RALYL: variants seen among roughly 807,000 people sequenced by gnomAD.
The protein encoded by RALYL is RALY RNA binding protein like.
A neutral mutation model predicts 35.1 loss-of-function variants in RALYL; 29 were observed. That is an observed-to-expected ratio of 0.83 (90% confidence interval 0.61 to 1.13). The LOEUF is 1.13. RALYL is among the 50% of genes most tolerant of loss of function. The probability of loss-of-function intolerance (pLI) is 0.00; values close to 1 mark genes in which losing one functional copy is unlikely to be tolerated. For synonymous variants in RALYL, 120 were observed against 127.6 expected, an observed-to-expected ratio of 0.94 and a Z score of 0.40; for missense variants, 359 against 360.4, an observed-to-expected ratio of 1.00 and a Z score of 0.03.
chr8:84,413,636 T>C (rs945633299), intron 1 of RALYL, among the ~76,000 whole-genome samples: 12 of 152,064 alleles, frequency 7.9e-5, no homozygotes, highest in Non-Finnish European at 1.5e-4. Context: ...TCAAAATTAA[T>C]TTTCAATTAG....
In RALYL at chr8:84,870,997, G is replaced by GC. The variant is rs199824470; in HGVS notation, c.572-2280dup. On this transcript the variant is annotated intron_variant, in intron 6 of 8. Transcript: ENST00000521268. The stretch of plus-strand genomic sequence containing the variant: ...TGCAGGACCTAGATGAGCATTTGCT[G>GC]CCCCCCCATTCTAAGAGGGAACTGA... Among the ~76,000 whole-genome samples, 1,403 of 152,130 alleles carry GC rather than the reference G, an allele frequency of 9.2e-3. 11 individuals carry two copies. Among genetic ancestry groups the GC allele is most frequent in the Non-Finnish European group, 0.013 (882 of 67,982 alleles).
intron 1 of RALYL, among the ~76,000 whole-genome samples, chr8:84,463,789 A>G (rs987417463): frequency 5.3e-5 from 8 of 152,044 alleles, no homozygotes; most frequent in African/African-American, 1.9e-4. Context: ...TTAAAAAATC[A>G]CCCTTTTTAG....
intron 1 of RALYL, among the ~76,000 whole-genome samples, chr8:84,259,872 C>A (rs1405629112): frequency 6.6e-6 from 1 of 152,114 alleles, no homozygotes; most frequent in Non-Finnish European, 1.5e-5. Flanking sequence ...ACACACACTG[C>A]GTTCCCTTTC....
chr8:84,473,583 TA>T (rs1392178039), intron 1 of RALYL, among the ~76,000 whole-genome samples: 7 of 151,806 alleles, frequency 4.6e-5, no homozygotes, highest in African/African-American at 1.4e-4. Context: ...GCTTTTTCTT[TA>T]AAAAAATAGT....
At chr8:84,450,867 CA>C (rs1312503980) in intron 1 of RALYL, among the ~76,000 whole-genome samples, 1 of 151,850 alleles carries the variant, frequency 6.6e-6, no homozygotes, top group African/African-American at 2.4e-5. Context: ...TTTCATTTTT[CA>C]AAAAGACATT....
At chr8:84,831,662 G>C (rs188268549) in intron 4 of RALYL, among the ~76,000 whole-genome samples, 1 of 152,230 alleles carries the variant, frequency 6.6e-6, no homozygotes, top group African/African-American at 2.4e-5. Context: ...AAAAAATTCA[G>C]CTGGTAAAAT....
At chr8:84,816,668 T>C (rs1827369862) in intron 4 of RALYL, among the ~76,000 whole-genome samples, 1 of 151,968 alleles carries the variant, frequency 6.6e-6, no homozygotes, top group African/African-American at 2.4e-5. Context: ...ACAAAAAAAA[T>C]TAGAAAGAAT....
At chr8:84,266,068 G>A (rs1833234369) in intron 1 of RALYL, among the ~76,000 whole-genome samples, 1 of 152,112 alleles carries the variant, frequency 6.6e-6, no homozygotes, top group African/African-American at 2.4e-5. Flanking sequence ...CTCCTCTGTG[G>A]TATAGCTTTC....
chr8:84,821,855 GCTAA>G (rs1004024689), intron 4 of RALYL, among the ~76,000 whole-genome samples: 6 of 152,102 alleles, frequency 3.9e-5, no homozygotes, highest in Admixed American at 3.9e-4. Flanking sequence ...ATTTTGGCAT[GCTAA>G]CTAAGGTAGA....
chr8:84,343,121 G>A (rs554616244), intron 1 of RALYL, among the ~76,000 whole-genome samples: 1 of 152,058 alleles, frequency 6.6e-6, no homozygotes, highest in African/African-American at 2.4e-5. Context: ...TAAAGATTTA[G>A]TTCTATAGGT....
chr8:84,545,451 C>T (rs2060290996), intron 2 of RALYL, among the ~76,000 whole-genome samples: 1 of 151,980 alleles, frequency 6.6e-6, no homozygotes, highest in Non-Finnish European at 1.5e-5. Flanking sequence ...TTTTTAGATA[C>T]AGAACAATAT....
chr8:84,566,351 A>T (rs2061781937), intron 2 of RALYL, among the ~76,000 whole-genome samples: 1 of 151,488 alleles, frequency 6.6e-6, no homozygotes. Flanking sequence ...ATGAAAAATA[A>T]ACAATCAAAA....
chr8:84,203,048 G>T (rs769395297), intron 1 of RALYL, among the ~76,000 whole-genome samples: 24 of 152,114 alleles, frequency 1.6e-4, no homozygotes, highest in Non-Finnish European at 2.6e-4. Context: ...CACAACAAAA[G>T]AATGTTAGTT....
At chr8:84,860,792 G>T (rs1042324762) in intron 5 of RALYL, among the ~76,000 whole-genome samples, 4 of 152,044 alleles carry the variant, frequency 2.6e-5, no homozygotes, top group African/African-American at 9.7e-5. Flanking sequence ...TCCCCAGCAT[G>T]TTCTAAATCA....
chr8:84,348,772 G>T lies in RALYL; in HGVS notation c.-24+164348G>T, dbSNP rs957789833. Among the ~76,000 whole-genome samples the T allele has an allele frequency of 7.3e-5, 11 of 151,128 alleles. 2 individuals are homozygous for T. The highest frequency in any genetic ancestry group is 2.0e-4 in the African/African-American group (8 of 40,870). On this transcript the variant is annotated intron_variant, in intron 1 of 8. Coordinates refer to ENST00000521268, the MANE Select transcript of RALYL (RefSeq NM_173848.7). ...CTGAGCCTATAATAGAAAATTGTGA[G>T]GGAAAAGGATTATGGTGTATGTATG...
chr8:84,415,655 T>C (rs1330507505), intron 1 of RALYL, among the ~76,000 whole-genome samples: 1 of 152,196 alleles, frequency 6.6e-6, no homozygotes, highest in East Asian at 1.9e-4. Flanking sequence ...ACTATTGCCT[T>C]ATGCACAGAT....
chr8:84,655,014 A>G (rs1829681887), intron 2 of RALYL, among the ~76,000 whole-genome samples: 2 of 152,126 alleles, frequency 1.3e-5, no homozygotes, highest in African/African-American at 4.8e-5. Context: ...GGGAACCTCC[A>G]AACTGTTCTT....
rs189444614 is a variant in RALYL at position 84,317,159 on chromosome 8, C to T, written c.-24+132735C>T. 2.7e-3 allele frequency among the ~76,000 whole-genome samples: 404 copies of T among 152,162 alleles called. 1 individual carries two copies. The highest frequency in any genetic ancestry group is 5.0e-3 in the Non-Finnish European group (339 of 67,988). Reference sequence around the variant, plus strand: ...ATTTTGTGATATTTTAGTTATAATCCTTTGTTTCTAAATTAACTCATCTTT... The same window carrying T: ...ATTTTGTGATATTTTAGTTATAATCTTTTGTTTCTAAATTAACTCATCTTT... On this transcript the variant is annotated intron_variant, in intron 1 of 8. Coordinates refer to ENST00000521268, the MANE Select transcript of RALYL (RefSeq NM_173848.7).
At chr8:84,714,601 C>T (rs1438048939) in intron 2 of RALYL, among the ~76,000 whole-genome samples, 1 of 151,806 alleles carries the variant, frequency 6.6e-6, no homozygotes, top group Non-Finnish European at 1.5e-5. Flanking sequence ...AGCATCAATG[C>T]AGTGTAGGAA....
Sources: gnomAD v4.1 joint callset for allele counts (sites outside exome capture counted in the v4.1 genomes callset) on GRCh38, gnomAD v4.1.1 for gene constraint, MANE v1.5 for transcripts, NCBI Gene and HGNC (gene_info 2026-07-23, HGNC 2026-07-21) for gene names.